Variants in VSX2 observed in about 807,000 individuals in gnomAD.
VSX2 encodes the protein visual system homeobox 2, also known as ceh-10 homeo domain containing homolog.
In VSX2, 28 loss-of-function variants were observed where a neutral mutation model predicts 32.1. The ratio of observed to expected loss-of-function variants is 0.87; its 90% CI spans 0.65 to 1.20. The LOEUF (loss-of-function observed/expected upper bound fraction) is 1.20, where lower values mean the gene tolerates loss of function less well. Ranked by LOEUF, VSX2 falls within the 50% of genes most tolerant of loss-of-function variation. The pLI, the probability that VSX2 is intolerant of heterozygous loss-of-function variation, is 0.00. For synonymous variants in VSX2, 243 were observed against 214.1 expected (o/e 1.14, Z -1.18); for missense variants, 506 against 488.7 (o/e 1.04, Z -0.33).
chr14:74,246,612 C>T lies in VSX2; in HGVS notation c.579+1324C>T, dbSNP rs142789699. On this transcript the variant is annotated intron_variant, in intron 3 of 4. Coordinates refer to ENST00000261980, the MANE Select transcript of VSX2 (RefSeq NM_182894.3). ...GTTGATGTTGAATTGTGTGTGTGCACGTGTGTGCGTGTGTGTAAGCCAAGC... is the reference window on the plus strand; with the variant it reads ...GTTGATGTTGAATTGTGTGTGTGCATGTGTGTGCGTGTGTGTAAGCCAAGC... Among the ~76,000 whole-genome samples, 53 of 152,246 alleles carry T rather than the reference C, an allele frequency of 3.5e-4. 1 individual carries two copies. In the East Asian group the frequency reaches 0.01, roughly 29 times the overall value.
At chr14:74,258,196 C>A (rs574613530) in intron 3 of VSX2, among the ~76,000 whole-genome samples, 1 of 152,338 alleles carries the variant, frequency 6.6e-6, no homozygotes, top group East Asian at 1.9e-4. Flanking sequence ...TTAATTAGTG[C>A]GGGTCAATGC....
rs1345374800 is a variant in VSX2, at chr14:74,262,060, T to G, written c.*1141T>G. Reference sequence around the variant, plus strand: ...AGACAGGGGGCTAAGGGGCTAGGGCTGAGCACCTCTCAGAGCAAGCCTTTG... The same window carrying G: ...AGACAGGGGGCTAAGGGGCTAGGGCGGAGCACCTCTCAGAGCAAGCCTTTG... On this transcript the variant is annotated 3_prime_UTR_variant, in exon 5 of 5. Coordinates refer to ENST00000261980, the MANE Select transcript of VSX2 (RefSeq NM_182894.3). 1 of 152,410 alleles carries G rather than the reference T, an allele frequency of 6.6e-6. No individual in the cohort carries two copies. The highest frequency in any genetic ancestry group is 1.5e-5 in the Non-Finnish European group (1 of 68,214). The allele number at this position is 152,410 out of a possible 1,614,324, so 9.4% of individuals were successfully genotyped here. A position where few individuals can be genotyped will look rare whatever the true frequency, so the allele number is the denominator to read the frequency against.
Position 74,261,808 on chromosome 14 carries a change from T to C in VSX2, c.*889T>C, listed in dbSNP as rs1273552127. On this transcript the variant is annotated 3_prime_UTR_variant, in exon 5 of 5. Coordinates refer to ENST00000261980, the MANE Select transcript of VSX2 (RefSeq NM_182894.3). ...AGCCTGTGTCCTGAAGAATCTCGAC[T>C]CTCGTGATATGCTGCTTGTGACCTT... The C allele has an allele frequency of 6.6e-6, 1 of 150,692 alleles. No individual in the cohort carries two copies. Among genetic ancestry groups the C allele is most frequent in the East Asian group, 1.9e-4 (1 of 5,178 alleles). 9.3% of individuals were successfully genotyped at this position (150,692 alleles called of 1,614,324 possible).
Position 74,259,689 on chromosome 14 carries a change from G to A in VSX2, c.667G>A (p.Gly223Arg), listed in dbSNP as rs755799430. 9 of 1,614,000 alleles carry A rather than the reference G, an allele frequency of 5.6e-6. No individual in the cohort carries two copies. The highest frequency in any genetic ancestry group is 2.7e-5 in the African/African-American group (2 of 74,906). ...TGTCATGGCGGAGTATGGGCTCTAC[G>A]GGGCCATGGTGCGGCACTCCATCCC... The part of the protein sequence containing the change: ...SSVMAEYGLY[G>R]AMVRHSIPLP... The change falls in exon 4 of 5, where the codon GGG (glycine) becomes AGG (arginine). Residue 223 changes from glycine to arginine, a missense_variant. Transcript: ENST00000261980.
At chr14:74,255,027 A>G (rs971139773) in intron 3 of VSX2, among the ~76,000 whole-genome samples, 1 of 151,772 alleles carries the variant, frequency 6.6e-6, no homozygotes, top group South Asian at 2.1e-4. Context: ...TGATCCACCC[A>G]CCTCGGCCTC....
At chr14:74,240,507 G>A (rs1034858947) in intron 1 of VSX2, among the ~76,000 whole-genome samples, 1 of 151,936 alleles carries the variant, frequency 6.6e-6, no homozygotes, top group Admixed American at 6.5e-5. Flanking sequence ...ACTGGAGCCC[G>A]GGGACGCGCG....
At position 74,261,233 on chromosome 14, in the gene VSX2, C is replaced by T; in HGVS notation, c.*314C>T. ...TCACTGGTTTTGGCCACCCCTTGCT[C>T]TCTGTTCTCTTGCTTTAAAGAGTCC... On this transcript the variant is annotated 3_prime_UTR_variant, in exon 5 of 5. Transcript: ENST00000261980. The T allele has an allele frequency of 2.4e-6, 1 of 416,262 alleles. No individual in the cohort carries two copies. Among genetic ancestry groups the T allele is most frequent in the South Asian group, 4.1e-5 (1 of 24,176 alleles). 25.8% of individuals were successfully genotyped at this position (416,262 alleles called of 1,614,324 possible).
intron 3 of VSX2, among the ~76,000 whole-genome samples, chr14:74,258,624 C>T (rs892172492): frequency 6.6e-6 from 1 of 152,148 alleles, no homozygotes; most frequent in Non-Finnish European, 1.5e-5. Context: ...ACCTCCTTGG[C>T]GGACAATGCG....
At chr14:74,253,074 G>T (rs2079240444) in intron 3 of VSX2, among the ~76,000 whole-genome samples, 1 of 143,628 alleles carries the variant, frequency 7.0e-6, no homozygotes, top group Non-Finnish European at 1.5e-5. Context: ...AAAAGGAAAA[G>T]AGAAACCCAG....
rs778726493 is a variant in VSX2 at position 74,259,712 on chromosome 14, C to T, written c.690C>T (p.Ile230=). Residue 230 remains isoleucine (I), a synonymous_variant, in exon 4 of 5, where the codon ATC becomes ATT. Transcript: ENST00000261980. ...GLYGAMVRHS[I]PLPESILKSA... is the part of the protein sequence containing the mutation. ...ACGGGGCCATGGTGCGGCACTCCAT[C>T]CCCCTGCCCGAGTCCATCCTCAAGT... 8 of 1,613,774 alleles carry T rather than the reference C, an allele frequency of 5.0e-6. No homozygotes were observed. Among genetic ancestry groups the T allele is most frequent in the Non-Finnish European group, 5.9e-6 (7 of 1,179,750 alleles).
In VSX2 at chr14:74,239,793, CT is replaced by C; in HGVS notation, c.234del (p.Leu79TrpfsTer62). 6.4e-7 allele frequency: 1 copy of C among 1,565,636 alleles called. No homozygotes were observed. Among genetic ancestry groups the C allele is most frequent in the Non-Finnish European group, 8.6e-7 (1 of 1,156,370 alleles). On this transcript the variant is annotated frameshift_variant, in exon 1 of 5. Transcript: ENST00000261980. LOFTEE classifies it high-confidence loss of function. ...CCCCGCGGGGGTGGGCGGCATGGGG[CT>C]TCTGGGGCCCGGGGGGCTCCCTGGC... ...LSPAGVGGMG[L>X]LGPGGLPGFY...
At chr14:74,244,954 G>GAA (rs113603368) in intron 2 of VSX2, among the ~76,000 whole-genome samples, 15 of 75,774 alleles carry the variant, frequency 2.0e-4, no homozygotes, top group African/African-American at 3.7e-4. Context: ...AAGTGTGTGT[G>GAA]TGTGTGTGTG....
intron 4 of VSX2, among the ~76,000 whole-genome samples, chr14:74,260,143 C>A (rs1414978676): frequency 1.3e-5 from 2 of 152,142 alleles, no homozygotes; most frequent in Non-Finnish European, 2.9e-5. Flanking sequence ...GTTGAGAGAA[C>A]CCCTAGGTCC....
chr14:74,240,003 G>C, intron 1 of VSX2, 72 bp downstream of exon 1: 2 of 1,527,046 alleles, frequency 1.3e-6, no homozygotes, highest in Middle Eastern at 2.3e-4. Flanking sequence ...GTCGGCTCTC[G>C]CTTGCTGGAC....
At chr14:74,253,372 T>C (rs553773971) in intron 3 of VSX2, among the ~76,000 whole-genome samples, 1 of 152,120 alleles carries the variant, frequency 6.6e-6, no homozygotes, top group African/African-American at 2.4e-5. Context: ...ACAGTCCACC[T>C]AGAAAAAGGA....
chr14:74,247,767 T>G (rs2079201947), intron 3 of VSX2, among the ~76,000 whole-genome samples: 1 of 151,656 alleles, frequency 6.6e-6, no homozygotes, highest in Non-Finnish European at 1.5e-5. Context: ...CACAGTAAAG[T>G]TAATCAATGT....
chr14:74,239,964 T>G (rs1566882818), intron 1 of VSX2, 33 bp downstream of exon 1: 1 of 1,544,884 alleles, frequency 6.5e-7, no homozygotes, highest in South Asian at 1.2e-5. Flanking sequence ...GCTGCCTGAC[T>G]GGGGGGCGAC....
At chr14:74,241,073 G>C (rs1328923079) in intron 1 of VSX2, 109 bp from the exon 2 acceptor site, 4 of 1,129,408 alleles carry the variant, frequency 3.5e-6, no homozygotes, top group Non-Finnish European at 3.9e-6. Context: ...GGGAGACAGA[G>C]CAGGTCCCCG....
At chr14:74,240,019 C>T in intron 1 of VSX2, 88 bp downstream of exon 1, 2 of 1,498,664 alleles carry the variant, frequency 1.3e-6, no homozygotes, top group African/African-American at 1.4e-5. Context: ...TGGACCAGGC[C>T]TCCAGGCGGA....
Sources: gnomAD v4.1 joint callset for allele counts (sites outside exome capture counted in the v4.1 genomes callset) on GRCh38, gnomAD v4.1.1 for gene constraint, MANE v1.5 for transcripts, NCBI Gene and HGNC (gene_info 2026-07-23, HGNC 2026-07-21) for gene names.